Variants in EPHA3 observed in about 807,000 individuals in gnomAD.
EPHA3 encodes the protein EPH receptor A3, also known as ephrin type-A receptor 3.
Under a neutral mutation model 107.1 loss-of-function variants are expected in EPHA3, and 42 were observed. The observed-to-expected ratio is 0.39, with a 90% CI of 0.31 to 0.51. The LOEUF (loss-of-function observed/expected upper bound fraction) is 0.51, where lower values mean the gene tolerates loss of function less well. EPHA3 is among the 20% of genes least tolerant of loss of function. The probability of loss-of-function intolerance (pLI) is 0.78; values close to 1 mark genes in which losing one functional copy is unlikely to be tolerated. For synonymous variants in EPHA3, 461 were observed against 424.8 expected (o/e 1.09, Z -1.05); for missense variants, 1,183 against 1,211.2 (o/e 0.98, Z 0.35).
intron 3 of EPHA3, among the ~76,000 whole-genome samples, chr3:89,237,648 T>C (rs1323006151): frequency 6.6e-6 from 1 of 152,080 alleles, no homozygotes; most frequent in Non-Finnish European, 1.5e-5. Context: ...TCGTGGCCAA[T>C]TTTTCAGTTT....
chr3:89,408,129 A>C lies in EPHA3; in HGVS notation c.1760A>C (p.His587Pro), dbSNP rs1183034828. 1 of 1,612,656 alleles carries C rather than the reference A, an allele frequency of 6.2e-7. No homozygotes were observed. The highest frequency in any genetic ancestry group is 1.7e-5 in the Admixed American group (1 of 59,960). Residue 587 changes from histidine to proline, a missense_variant and splice_region_variant, in exon 9 of 17, where the codon CAT becomes CCT. Coordinates refer to ENST00000336596, the MANE Select transcript of EPHA3 (RefSeq NM_005233.6). ...AAAAGACTTCATTTTGGCAATGGGC[A>C]TTGTAAGTTTCTAAACTTGGCTTTT... ...DEKRLHFGNGHLKLPGLRTYV... is the reference protein window; with the variant it reads ...DEKRLHFGNGPLKLPGLRTYV...
Position 89,253,611 on chromosome 3 carries a change from A to C in EPHA3, c.814+43091A>C, listed in dbSNP as rs1157618007. Reference sequence around the variant, plus strand: ...ATTCTTGCAAAAATGTAAACTTTAAAGATATTGTTTTAAAGAAATAGCAAT... The same window carrying C: ...ATTCTTGCAAAAATGTAAACTTTAACGATATTGTTTTAAAGAAATAGCAAT... On this transcript the variant is annotated intron_variant, in intron 3 of 16. Transcript: ENST00000336596. Among the ~76,000 whole-genome samples, 9 of 152,244 alleles carry C rather than the reference A, an allele frequency of 5.9e-5. No individual in the cohort carries two copies. In the South Asian group the frequency reaches 1.4e-3, roughly 24 times the overall value.
At chr3:89,154,679 G>C (rs2107054067) in intron 2 of EPHA3, among the ~76,000 whole-genome samples, 1 of 151,348 alleles carries the variant, frequency 6.6e-6, no homozygotes, top group African/African-American at 2.4e-5. Context: ...TTTGTAATTG[G>C]TAGATTGCTC....
intron 3 of EPHA3, among the ~76,000 whole-genome samples, chr3:89,213,110 A>C (rs555205894): frequency 1.0e-3 from 154 of 152,076 alleles, no homozygotes; most frequent in African/African-American, 3.6e-3. Context: ...TGAAAACCTT[A>C]GTATATTCTT....
chr3:89,390,827 C>CA (rs1238163282), intron 5 of EPHA3, among the ~76,000 whole-genome samples: 6 of 133,082 alleles, frequency 4.5e-5, no homozygotes, highest in Admixed American at 1.5e-4. Flanking sequence ...TCTTGTTTTC[C>CA]AGGCTGGAGT....
At chr3:89,253,403 A>G (rs138066586) in intron 3 of EPHA3, among the ~76,000 whole-genome samples, 5 of 152,192 alleles carry the variant, frequency 3.3e-5, no homozygotes, top group African/African-American at 9.6e-5. Context: ...TCAAAGTTAC[A>G]TGTTCTTTTA....
In EPHA3 at chr3:89,173,183, G is replaced by T. The variant is rs145983796; in HGVS notation, c.154-36677G>T. Among the ~76,000 whole-genome samples, 6 of 152,144 alleles carry T rather than the reference G, an allele frequency of 3.9e-5. No individual in the cohort carries two copies. In the East Asian group the frequency reaches 1.2e-3, roughly 29 times the overall value. On this transcript the variant is annotated intron_variant, in intron 2 of 16. Coordinates refer to ENST00000336596, the MANE Select transcript of EPHA3 (RefSeq NM_005233.6). ...GTGCTGTATCATGTAACTCTAAGTAGAGATGCATCAAGTATTGAATTTAAT... is the reference window on the plus strand; with the variant it reads ...GTGCTGTATCATGTAACTCTAAGTATAGATGCATCAAGTATTGAATTTAAT...
chr3:89,233,746 T>C (rs1704689996), intron 3 of EPHA3, among the ~76,000 whole-genome samples: 1 of 152,172 alleles, frequency 6.6e-6, no homozygotes, highest in African/African-American at 2.4e-5. Context: ...TGGATGCATT[T>C]TGGAGTTTGT....
chr3:89,345,612 T>C (rs1326953405), intron 5 of EPHA3, among the ~76,000 whole-genome samples: 3 of 149,998 alleles, frequency 2.0e-5, no homozygotes, highest in Non-Finnish European at 4.5e-5. Flanking sequence ...ATTTCTTTTT[T>C]TTTTTTCTTT....
intron 5 of EPHA3, among the ~76,000 whole-genome samples, chr3:89,365,736 A>G (rs1490985362): frequency 6.6e-6 from 1 of 150,726 alleles, no homozygotes; most frequent in Non-Finnish European, 1.5e-5. Context: ...GTAGAGAGGA[A>G]TAGAGGACAA....
At position 89,406,407 on chromosome 3, in the gene EPHA3, CT is replaced by C. The variant is rs1375413126; in HGVS notation, c.1595-856del. ...TTGGTCTGGGTCAAGAGTCAGTAAA[CT>C]TTTTTCTGTAATAGGCCAGATAATA... On this transcript the variant is annotated intron_variant, in intron 7 of 16. Coordinates refer to ENST00000336596, the MANE Select transcript of EPHA3 (RefSeq NM_005233.6). Among the ~76,000 whole-genome samples, 28 of 152,126 alleles carry C rather than the reference CT, an allele frequency of 1.8e-4. No homozygotes were observed. In the South Asian group the frequency reaches 3.3e-3, roughly 18 times the overall value.
chr3:89,148,954 A>G (rs1704630960), intron 2 of EPHA3, among the ~76,000 whole-genome samples: 1 of 152,072 alleles, frequency 6.6e-6, no homozygotes, highest in South Asian at 2.1e-4. Context: ...TAATTGTGAA[A>G]AATAGACATC....
At chr3:89,160,613 A>T in intron 2 of EPHA3, among the ~76,000 whole-genome samples, 1 of 131,562 alleles carries the variant, frequency 7.6e-6, no homozygotes, top group Non-Finnish European at 1.6e-5. Context: ...TTCTGTGTGT[A>T]TTTCTTTCAC....
At chr3:89,266,739 G>C (rs1559624998) in intron 3 of EPHA3, among the ~76,000 whole-genome samples, 1 of 151,422 alleles carries the variant, frequency 6.6e-6, no homozygotes, top group Non-Finnish European at 1.5e-5. Context: ...TTTCTGTTCG[G>C]ACTGTAAACA....
intron 3 of EPHA3, among the ~76,000 whole-genome samples, chr3:89,246,115 A>G (rs1705025699): frequency 6.6e-6 from 1 of 152,180 alleles, no homozygotes; most frequent in South Asian, 2.1e-4. Flanking sequence ...CCACTGAGAT[A>G]GTGACTTATA....
chr3:89,191,029 C>A (rs535956508), intron 2 of EPHA3, among the ~76,000 whole-genome samples: 1 of 152,182 alleles, frequency 6.6e-6, no homozygotes, highest in East Asian at 1.9e-4. Flanking sequence ...TATGTTTAAA[C>A]GTTTACCCAT....
At chr3:89,370,720 A>G (rs1368677386) in intron 5 of EPHA3, among the ~76,000 whole-genome samples, 1 of 151,782 alleles carries the variant, frequency 6.6e-6, no homozygotes, top group African/African-American at 2.4e-5. Flanking sequence ...AATAAAATAA[A>G]AAAAGAAGGA....
At chr3:89,419,602 T>G in intron 11 of EPHA3, among the ~76,000 whole-genome samples, 1 of 151,234 alleles carries the variant, frequency 6.6e-6, no homozygotes, top group East Asian at 1.9e-4. Context: ...CTCAAAAAAT[T>G]TTAAAAAAAT....
chr3:89,357,057 G>A (rs1375813902), intron 5 of EPHA3, among the ~76,000 whole-genome samples: 4 of 122,392 alleles, frequency 3.3e-5, no homozygotes, highest in Non-Finnish European at 4.9e-5. Context: ...GCAGTGAGCC[G>A]AGACTGCACC....
Sources: allele counts gnomAD v4.1 joint callset (sites outside exome capture counted in the v4.1 genomes callset), GRCh38; gene constraint gnomAD v4.1.1; transcripts MANE v1.5; gene names NCBI Gene and HGNC (gene_info 2026-07-23, HGNC 2026-07-21).